Variants in AK9 observed in about 807,000 individuals in gnomAD.
The protein encoded by AK9 is adenylate kinase domain containing 1.
A neutral mutation model predicts 239.6 loss-of-function variants in AK9; 191 were observed. The observed-to-expected ratio is 0.80, with a 90% CI of 0.71 to 0.90. The LOEUF is 0.90. Ranked by LOEUF, AK9 falls within the 40% of genes least tolerant of loss-of-function variation. AK9 has a pLI of 0.00. For missense variants in AK9, 1,995 were observed against 2,214.7 expected, an observed-to-expected ratio of 0.90 and a Z score of 1.99; for synonymous variants, 689 against 721.0, an observed-to-expected ratio of 0.96 and a Z score of 0.71.
chr6:109,647,655 C>G (rs1338147675), intron 8 of AK9, among the ~76,000 whole-genome samples: 1 of 152,100 alleles, frequency 6.6e-6, no homozygotes, highest in Admixed American at 6.6e-5. Context: ...CTTTAACACC[C>G]CACTGTCAAC....
At chr6:109,585,534 A>C (rs891385648) in intron 18 of AK9, among the ~76,000 whole-genome samples, 2 of 152,204 alleles carry the variant, frequency 1.3e-5, no homozygotes, top group Non-Finnish European at 2.9e-5. Flanking sequence ...AAACAGAATA[A>C]TTAAAATTTA....
At chr6:109,540,394 C>G (rs1223576038) in intron 27 of AK9, among the ~76,000 whole-genome samples, 1 of 152,198 alleles carries the variant, frequency 6.6e-6, no homozygotes, top group Non-Finnish European at 1.5e-5. Context: ...GTGTGGGACC[C>G]TCTGAGTCAG....
rs949049961 is a variant in AK9 at position 109,564,131 on chromosome 6, C to A, written c.2584G>T (p.Ala862Ser). The change falls in exon 23 of 41, where the codon GCT (alanine) becomes TCT (serine). Residue 862 changes from alanine to serine, a missense_variant. Around this residue, in one of 5 missense-constraint regions of AK9, gnomAD observed 1,290 missense variants for 1,392.7 expected, o/e 0.93. Transcript: ENST00000424296. ...AGTAATTCCTGTGGAGTTCTGTCAGCAATCTCCAAGTTTAAAATTTTAATG... is the reference window on the plus strand; with the variant it reads ...AGTAATTCCTGTGGAGTTCTGTCAGAAATCTCCAAGTTTAAAATTTTAATG... Reference protein sequence around the residue: ...AYIKILNLEIADRTPQELLQK... With the variant: ...AYIKILNLEISDRTPQELLQK... The A allele has an allele frequency of 9.0e-6, 14 of 1,551,268 alleles. No individual in the cohort carries two copies. The African/African-American group carries it at 1.4e-4, about 15-fold the overall frequency.
chr6:109,606,638 G>T (rs1011185935), intron 17 of AK9, among the ~76,000 whole-genome samples: 1 of 152,126 alleles, frequency 6.6e-6, no homozygotes, highest in Non-Finnish European at 1.5e-5. Flanking sequence ...GTTAGGTACT[G>T]GGCAAGTACC....
intron 10 of AK9, among the ~76,000 whole-genome samples, chr6:109,636,093 T>C (rs983525725): frequency 6.6e-6 from 1 of 152,202 alleles, no homozygotes; most frequent in Non-Finnish European, 1.5e-5. Flanking sequence ...GCTGTACCGC[T>C]GAATTCAAAT....
At chr6:109,611,958 GT>G in intron 16 of AK9, 51 bp downstream of exon 16, 1 of 1,269,892 alleles carries the variant, frequency 7.9e-7, no homozygotes, top group Non-Finnish European at 1.1e-6. Context: ...AACTACTTGT[GT>G]TTTTTAGAAC....
intron 28 of AK9, among the ~76,000 whole-genome samples, chr6:109,531,656 A>T (rs993433045): frequency 6.6e-6 from 1 of 152,182 alleles, no homozygotes; most frequent in Non-Finnish European, 1.5e-5. Flanking sequence ...GTCATCACGG[A>T]GATTTCTGTG....
intron 8 of AK9, among the ~76,000 whole-genome samples, chr6:109,652,780 A>T (rs1198933017): frequency 6.6e-6 from 1 of 152,212 alleles, no homozygotes; most frequent in Non-Finnish European, 1.5e-5. Flanking sequence ...CTGCTCCTCC[A>T]TGCTGCCCGC....
chr6:109,607,369 A>G (rs557903653), intron 17 of AK9, among the ~76,000 whole-genome samples: 14 of 151,550 alleles, frequency 9.2e-5, no homozygotes, highest in South Asian at 6.3e-4. Context: ...AAATATTTGG[A>G]AAAAAAAAGG....
chr6:109,656,721 C>A, intron 8 of AK9, 35 bp downstream of exon 8: 1 of 1,538,176 alleles, frequency 6.5e-7, no homozygotes, highest in South Asian at 1.2e-5. Context: ...ACACAAATAT[C>A]AATATTCATT....
intron 27 of AK9, among the ~76,000 whole-genome samples, chr6:109,538,595 G>T (rs1260393853): frequency 6.6e-6 from 1 of 151,870 alleles, no homozygotes; most frequent in Admixed American, 6.6e-5. Context: ...GGAGCATTTA[G>T]CCCATTTACA....
chr6:109,640,303 G>T (rs1055824642), intron 10 of AK9, among the ~76,000 whole-genome samples: 2 of 152,128 alleles, frequency 1.3e-5, no homozygotes, highest in Non-Finnish European at 2.9e-5. Context: ...CAGTATTTGT[G>T]GGGAGTGTCC....
At position 109,497,487 on chromosome 6, in the gene AK9, C is replaced by G. The variant is rs1371870689; in HGVS notation, c.5293G>C (p.Glu1765Gln). The change falls in exon 38 of 41, where the codon GAA (glutamate) becomes CAA (glutamine). Residue 1765 changes from glutamate (E) to glutamine (Q), a missense_variant. Around this residue, in one of 5 missense-constraint regions of AK9, gnomAD observed 391 missense variants for 456.0 expected, o/e 0.86. Coordinates refer to ENST00000424296, the MANE Select transcript of AK9 (RefSeq NM_001145128.3). ...CACCTCAAAAATTTCTGGAGTTTTT[C>G]TTTGTTCTCACAAATATATATACGA... ...HNRIYICENK[E>Q]KLQKFLRSPL... 2.5e-6 allele frequency: 4 copies of G among 1,599,118 alleles called. No homozygotes were observed. The East Asian group carries it at 9.0e-5, about 36-fold the overall frequency.
chr6:109,522,892 A>G (rs1780016840), intron 29 of AK9, among the ~76,000 whole-genome samples: 1 of 152,150 alleles, frequency 6.6e-6, no homozygotes, highest in South Asian at 2.1e-4. Context: ...AAGATGCAGG[A>G]AGCCTGGATC....
chr6:109,603,376 G>T (rs1001484089), intron 17 of AK9, among the ~76,000 whole-genome samples: 1 of 152,218 alleles, frequency 6.6e-6, no homozygotes, highest in Non-Finnish European at 1.5e-5. Context: ...AGCGGAGGCT[G>T]CAGTACAGCG....
At chr6:109,614,157 G>T in intron 15 of AK9, 26 bp downstream of exon 15, 1 of 1,500,482 alleles carries the variant, frequency 6.7e-7, no homozygotes, top group Non-Finnish European at 9.1e-7. Context: ...ATCCACAAAC[G>T]TGGGATTAGC....
chr6:109,669,361 C>T (rs896643125), intron 5 of AK9, among the ~76,000 whole-genome samples: 11 of 151,884 alleles, frequency 7.2e-5, no homozygotes, highest in East Asian at 2.0e-4. Context: ...TCCTCTTTTC[C>T]GAATTGAATA....
intron 1 of AK9, among the ~76,000 whole-genome samples, chr6:109,687,620 C>T (rs763289944): frequency 7.2e-5 from 11 of 152,126 alleles, no homozygotes; most frequent in Non-Finnish European, 1.0e-4. Context: ...AACCACAAAA[C>T]GATGATGCTT....
rs560116260 is a variant in AK9 at position 109,684,688 on chromosome 6, A to C, written c.-12+6459T>G. On this transcript the variant is annotated intron_variant, in intron 1 of 40. Coordinates refer to ENST00000424296, the MANE Select transcript of AK9 (RefSeq NM_001145128.3). Reference sequence around the variant, plus strand: ...AGGAGATTGAGACCATCCCGGCTAAAATGGTGAAACCCCGTCTCTACTAAA... The same window carrying C: ...AGGAGATTGAGACCATCCCGGCTAACATGGTGAAACCCCGTCTCTACTAAA... Among the ~76,000 whole-genome samples the C allele has an allele frequency of 4.1e-3, 584 of 143,086 alleles. 2 individuals carry two copies. The highest frequency in any genetic ancestry group is 6.9e-3 in the Non-Finnish European group (456 of 65,674). The allele number at this position is 143,086 out of a possible 152,430, so 93.9% of individuals were successfully genotyped here.
Sources: allele counts gnomAD v4.1 joint callset (sites outside exome capture counted in the v4.1 genomes callset), GRCh38; gene constraint gnomAD v4.1.1; regional missense constraint gnomAD v4.1.1; transcripts MANE v1.5; gene names NCBI Gene and HGNC (gene_info 2026-07-23, HGNC 2026-07-21).